CPE: variants seen among roughly 807,000 people sequenced by gnomAD.
The protein encoded by CPE is carbocypeptidase E.
A neutral mutation model predicts 53.5 loss-of-function variants in CPE; 17 were observed. That is an observed-to-expected ratio of 0.32 (90% CI 0.22 to 0.48). CPE has a LOEUF of 0.48. CPE is among the 20% of genes least tolerant of loss of function. CPE has a pLI of 0.99. For missense variants in CPE, 524 were observed against 614.7 expected, an observed-to-expected ratio of 0.85 and a Z score of 1.56; for synonymous variants, 226 against 228.8, an observed-to-expected ratio of 0.99 and a Z score of 0.11.
chr4:165,452,456 C>A (rs1455802342), intron 1 of CPE, among the ~76,000 whole-genome samples: 1 of 151,604 alleles, frequency 6.6e-6, no homozygotes, highest in East Asian at 1.9e-4. Context: ...AGAAAATAAA[C>A]CTGTGTATAG....
At chr4:165,385,417 G>GTT (rs376325931) in intron 1 of CPE, among the ~76,000 whole-genome samples, 2,344 of 126,812 alleles carry the variant, frequency 0.018, 68 homozygotes, top group African/African-American at 0.062. Context: ...TCTTCTTACT[G>GTT]TTTTATTTTT....
Position 165,424,553 on chromosome 4 carries a change from A to G in CPE, c.308-39837A>G, listed in dbSNP as rs1487639363. 6.4e-5 allele frequency among the ~76,000 whole-genome samples: 8 copies of G among 124,806 alleles called. No homozygotes were observed. The South Asian group carries it at 1.3e-3, about 20-fold the overall frequency. 81.9% of individuals were successfully genotyped at this position (124,806 alleles called of 152,430 possible). On this transcript the variant is annotated intron_variant, in intron 1 of 8. Transcript: ENST00000402744. Reference sequence around the variant, plus strand: ...GTATTTGTATTTATTTATTTTTTTGAGATGGAGTCTCGCTCTGTAGCCCAG... The same window carrying G: ...GTATTTGTATTTATTTATTTTTTTGGGATGGAGTCTCGCTCTGTAGCCCAG...
At chr4:165,477,523 T>C (rs1405200508) in intron 3 of CPE, among the ~76,000 whole-genome samples, 1 of 152,174 alleles carries the variant, frequency 6.6e-6, no homozygotes, top group African/African-American at 2.4e-5. Context: ...TTGACCCAGC[T>C]TGGTACAAAA....
intron 4 of CPE, among the ~76,000 whole-genome samples, chr4:165,483,229 T>C (rs769535485): frequency 9.8e-5 from 15 of 152,310 alleles, no homozygotes; most frequent in Admixed American, 3.9e-4. Context: ...CTTCCACTTA[T>C]AAATGAGAGT....
intron 1 of CPE, among the ~76,000 whole-genome samples, chr4:165,458,706 C>A (rs1277352564): frequency 6.6e-6 from 1 of 152,030 alleles, no homozygotes; most frequent in Non-Finnish European, 1.5e-5. Flanking sequence ...TGTTTTCTTC[C>A]TATAGAAAGG....
chr4:165,441,091 A>G (rs1731601965), intron 1 of CPE, among the ~76,000 whole-genome samples: 1 of 152,182 alleles, frequency 6.6e-6, no homozygotes, highest in South Asian at 2.1e-4. Context: ...CTGGACCTTT[A>G]CAGCAGTATT....
rs147102692 is a variant in CPE at position 165,481,810 on chromosome 4, CAT to C, written c.673-431_673-430del. 6.2e-3 allele frequency among the ~76,000 whole-genome samples: 946 copies of C among 152,304 alleles called. 10 individuals are homozygous for C. Among genetic ancestry groups the C allele is most frequent in the African/African-American group, 0.021 (855 of 41,572 alleles). On this transcript the variant is annotated intron_variant, in intron 3 of 8. Coordinates refer to ENST00000402744, the MANE Select transcript of CPE (RefSeq NM_001873.4). ...CAAAATTTGGAAATAAACTTTACCA[CAT>C]GTTTGAACCACCACAGAGGACAAAT...
At chr4:165,439,628 C>T (rs1241563033) in intron 1 of CPE, among the ~76,000 whole-genome samples, 1 of 150,808 alleles carries the variant, frequency 6.6e-6, no homozygotes, top group Non-Finnish European at 1.5e-5. Flanking sequence ...TATCTCAGTT[C>T]TCAGTGTGAC....
intron 6 of CPE, among the ~76,000 whole-genome samples, chr4:165,491,240 A>G (rs1295898004): frequency 6.6e-6 from 1 of 152,246 alleles, no homozygotes; most frequent in Non-Finnish European, 1.5e-5. Flanking sequence ...CAGGCAAATA[A>G]TATGTTCTTG....
chr4:165,441,651 A>T, intron 1 of CPE, among the ~76,000 whole-genome samples: 1 of 152,184 alleles, frequency 6.6e-6, no homozygotes, highest in East Asian at 1.9e-4. Flanking sequence ...ATCTTTAAGA[A>T]ATTTTCCTTT....
intron 1 of CPE, among the ~76,000 whole-genome samples, chr4:165,434,222 T>C (rs577062791): frequency 4.8e-4 from 73 of 152,310 alleles, no homozygotes; most frequent in African/African-American, 1.7e-3. Context: ...TCAGGGAACA[T>C]GTGGGAGTTT....
intron 1 of CPE, among the ~76,000 whole-genome samples, chr4:165,459,425 T>G (rs1404287986): frequency 6.6e-6 from 1 of 152,158 alleles, no homozygotes; most frequent in East Asian, 1.9e-4. Context: ...AAGATCGTCT[T>G]TTAATAATGG....
intron 5 of CPE, among the ~76,000 whole-genome samples, chr4:165,485,166 G>T (rs903318572): frequency 1.3e-5 from 2 of 152,186 alleles, no homozygotes; most frequent in Non-Finnish European, 2.9e-5. Flanking sequence ...GACAGCAGCT[G>T]GGGGAAGCCC....
intron 1 of CPE, chr4:165,404,969 T>C: frequency 1.3e-6 from 1 of 756,994 alleles, no homozygotes; most frequent in Non-Finnish European, 2.5e-6. Context: ...AATCACTGCT[T>C]CTACTTCCTT....
chr4:165,427,474 A>C lies in CPE; in HGVS notation c.308-36916A>C, dbSNP rs539160203. Among the ~76,000 whole-genome samples, 101 of 152,328 alleles carry C rather than the reference A, an allele frequency of 6.6e-4. 1 individual carries two copies. The highest frequency in any genetic ancestry group is 2.3e-3 in the African/African-American group (94 of 41,568). ...TTTTCTATAGGTATTTGTAGGTAAT[A>C]TCAATGGTTGTATAATATTCCATTT... On this transcript the variant is annotated intron_variant, in intron 1 of 8. Coordinates refer to ENST00000402744, the MANE Select transcript of CPE (RefSeq NM_001873.4).
At position 165,404,123 on chromosome 4, in the gene CPE, G is replaced by T. The variant is rs887531323; in HGVS notation, c.307+24595G>T. On this transcript the variant is annotated intron_variant, in intron 1 of 8. Coordinates refer to ENST00000402744, the MANE Select transcript of CPE (RefSeq NM_001873.4). ...GTGGTCAGCTAGCAGCTGGCTTGGG[G>T]TGAACTCTTTTCCATAGGCAGCCTC... The T allele has an allele frequency of 6.1e-6, 5 of 822,334 alleles. No individual in the cohort carries two copies. In the African/African-American group the frequency reaches 8.4e-5, roughly 14 times the overall value. 50.9% of individuals were successfully genotyped at this position (822,334 alleles called of 1,614,324 possible). A position where few individuals can be genotyped will look rare whatever the true frequency, so the allele number is the denominator to read the frequency against.
At chr4:165,392,002 G>T (rs922044893) in intron 1 of CPE, among the ~76,000 whole-genome samples, 1 of 151,688 alleles carries the variant, frequency 6.6e-6, no homozygotes, top group Non-Finnish European at 1.5e-5. Flanking sequence ...CTGAATGTGT[G>T]ACATATAAGC....
chr4:165,385,056 G>T (rs1233071697), intron 1 of CPE, among the ~76,000 whole-genome samples: 1 of 152,092 alleles, frequency 6.6e-6, no homozygotes, highest in Non-Finnish European at 1.5e-5. Context: ...TTGTTAAATA[G>T]CTTCATGCTT....
chr4:165,404,946 C>G, intron 1 of CPE: 1 of 758,462 alleles, frequency 1.3e-6, no homozygotes, highest in Non-Finnish European at 2.5e-6. Context: ...CTAGCAAAGA[C>G]GTAGTGATCT....
Sources: gnomAD v4.1 joint callset for allele counts (sites outside exome capture counted in the v4.1 genomes callset) on GRCh38, gnomAD v4.1.1 for gene constraint, MANE v1.5 for transcripts, NCBI Gene and HGNC (gene_info 2026-07-23, HGNC 2026-07-21) for gene names.